CCDC60: variants seen among roughly 807,000 people sequenced by gnomAD.
CCDC60 encodes the protein coiled-coil domain-containing protein 60.
CCDC60 carries 54 observed loss-of-function variants against 63.5 expected under a neutral mutation model. That is an observed-to-expected ratio of 0.85 (90% CI 0.68 to 1.07). The LOEUF (loss-of-function observed/expected upper bound fraction) is 1.07, where lower values mean the gene tolerates loss of function less well. Ranked by LOEUF, CCDC60 falls within the 50% of genes least tolerant of loss-of-function variation. The pLI is 0.00. For synonymous variants in CCDC60, 206 were observed against 238.8 expected (o/e 0.86, Z 1.27); for missense variants, 651 against 684.3 (o/e 0.95, Z 0.54).
At chr12:119,477,570 A>C (rs2136340001) in intron 3 of CCDC60, among the ~76,000 whole-genome samples, 1 of 152,358 alleles carries the variant, frequency 6.6e-6, no homozygotes, top group African/African-American at 2.4e-5. Context: ...GAGGTTCAAT[A>C]ATTATTGGTA....
chr12:119,523,581 G>A (rs1295926698), intron 10 of CCDC60, 112 bp from the exon 11 acceptor site: 6 of 1,466,112 alleles, frequency 4.1e-6, no homozygotes, highest in African/African-American at 1.4e-5. Context: ...GTGGCTACAG[G>A]GAGTCCCCCA....
intron 1 of CCDC60, among the ~76,000 whole-genome samples, chr12:119,349,237 T>G (rs1955629068): frequency 6.6e-6 from 1 of 152,134 alleles, no homozygotes; most frequent in South Asian, 2.1e-4. Context: ...ACCACCCACT[T>G]TGAGAAGCTT....
intron 1 of CCDC60, among the ~76,000 whole-genome samples, chr12:119,391,159 C>T (rs902573595): frequency 5.3e-5 from 8 of 152,238 alleles, no homozygotes; most frequent in Non-Finnish European, 8.8e-5. Context: ...GTTACCCACA[C>T]GTCTCTGTGG....
chr12:119,505,001 C>T, intron 6 of CCDC60, 68 bp from the exon 7 acceptor site: 1 of 1,235,458 alleles, frequency 8.1e-7, no homozygotes, highest in South Asian at 1.4e-5. Context: ...CTCCTTCCCT[C>T]CTTTCTTTCT....
At chr12:119,375,291 A>C (rs1955939856) in intron 1 of CCDC60, among the ~76,000 whole-genome samples, 1 of 152,140 alleles carries the variant, frequency 6.6e-6, no homozygotes, top group African/African-American at 2.4e-5. Context: ...CAAGCAAAAA[A>C]CCCTAATTTG....
At chr12:119,414,714 C>T (rs1956669472) in intron 1 of CCDC60, among the ~76,000 whole-genome samples, 2 of 152,070 alleles carry the variant, frequency 1.3e-5, no homozygotes, top group South Asian at 2.1e-4. Flanking sequence ...CCATGTCCAG[C>T]TAATTGTTTT....
chr12:119,341,003 G>A (rs1215021280), intron 1 of CCDC60, among the ~76,000 whole-genome samples: 1 of 152,218 alleles, frequency 6.6e-6, no homozygotes, highest in African/African-American at 2.4e-5. Context: ...AGGGAGAAGG[G>A]ACTCTTTTCT....
intron 2 of CCDC60, chr12:119,433,271 TGATACA>T (rs1950264833): frequency 1.6e-6 from 1 of 623,890 alleles, no homozygotes; most frequent in African/African-American, 1.8e-5. Context: ...TAATAAAAGG[TGATACA>T]GGCAACAGTT....
In CCDC60 at chr12:119,465,772, G is replaced by A. The variant is rs1322709905; in HGVS notation, c.171-6222G>A. Among the ~76,000 whole-genome samples the A allele has an allele frequency of 2.1e-5, 3 of 142,622 alleles. No individual in the cohort carries two copies. In the East Asian group the frequency reaches 6.3e-4, roughly 30 times the overall value. 93.6% of individuals were successfully genotyped at this position (142,622 alleles called of 152,430 possible). A position where few individuals can be genotyped will look rare whatever the true frequency, so the allele number is the denominator to read the frequency against. On this transcript the variant is annotated intron_variant, in intron 2 of 13. Coordinates refer to ENST00000327554, the MANE Select transcript of CCDC60 (RefSeq NM_178499.5). ...GACTTCATCTCAAAAAAAAAAAAAT[G>A]TATAAAACAGAGCTGCATTCTGACT... is the stretch of plus-strand genomic sequence containing the variant.
At chr12:119,367,422 G>A (rs892110560) in intron 1 of CCDC60, among the ~76,000 whole-genome samples, 3 of 152,114 alleles carry the variant, frequency 2.0e-5, no homozygotes, top group East Asian at 1.9e-4. Flanking sequence ...TAATTCCACC[G>A]CCTATATCCT....
chr12:119,345,543 A>C (rs1301952937), intron 1 of CCDC60, among the ~76,000 whole-genome samples: 1 of 144,510 alleles, frequency 6.9e-6, no homozygotes, highest in East Asian at 1.9e-4. Context: ...AGAGACAGCA[A>C]ATGGGGCCTG....
Position 119,523,900 on chromosome 12 carries a change from G to GA in CCDC60, c.1229+82_1229+83insA. The GA allele has an allele frequency of 3.5e-6, 5 of 1,429,762 alleles. No individual in the cohort carries two copies. The South Asian group carries it at 6.3e-5, about 18-fold the overall frequency. 88.6% of individuals were successfully genotyped at this position (1,429,762 alleles called of 1,614,324 possible). On this transcript the variant is annotated intron_variant, in intron 11 of 13. Coordinates refer to ENST00000327554, the MANE Select transcript of CCDC60 (RefSeq NM_178499.5). ...TGCCTGCCAGGTGCCAGGTGCTGGG[G>GA]CTATATCACAAACAAGAAGAACTTG...
chr12:119,383,248 A>C (rs575248631), intron 1 of CCDC60, among the ~76,000 whole-genome samples: 1 of 152,186 alleles, frequency 6.6e-6, no homozygotes, highest in Non-Finnish European at 1.5e-5. Flanking sequence ...CTCTACAAAA[A>C]TAAAATTAAA....
At chr12:119,438,768 C>T (rs1950376109) in intron 2 of CCDC60, among the ~76,000 whole-genome samples, 1 of 152,152 alleles carries the variant, frequency 6.6e-6, no homozygotes, top group South Asian at 2.1e-4. Context: ...GAGACTCAAC[C>T]AGACTCCTGT....
In CCDC60 at chr12:119,520,132, T is replaced by A; in HGVS notation, c.980T>A (p.Val327Glu). 6.2e-7 allele frequency: 1 copy of A among 1,613,974 alleles called. No individual in the cohort carries two copies. The highest frequency in any genetic ancestry group is 8.5e-7 in the Non-Finnish European group (1 of 1,179,946). Residue 327 changes from valine to glutamate, a missense_variant, in exon 9 of 14, where the codon GTG becomes GAG. Val to Glu is a moderately radical substitution (Grantham distance 121). Transcript: ENST00000327554. ...ATTTTGCCTTGCAGCATCTTGTCAG[T>A]GCTGAAACAAAACAAGAGTAATTCT... ...MQRKAPSILSVLKQNKSNSAY... is the reference protein window; with the variant it reads ...MQRKAPSILSELKQNKSNSAY...
At chr12:119,344,374 G>A (rs12367398) in intron 1 of CCDC60, among the ~76,000 whole-genome samples, 20,304 of 152,046 alleles carry the variant, frequency 0.13, 1,711 homozygotes, top group South Asian at 0.35. Flanking sequence ...AAATGATGCC[G>A]TCATGTACCC....
intron 1 of CCDC60, among the ~76,000 whole-genome samples, chr12:119,347,563 C>T (rs547219490): frequency 2.0e-5 from 3 of 152,264 alleles, no homozygotes; most frequent in African/African-American, 7.2e-5. Context: ...GCAAAATGTT[C>T]AATATTCTCG....
At position 119,360,088 on chromosome 12, in the gene CCDC60, C is replaced by A. The variant is rs1189520524; in HGVS notation, c.90+24822C>A. 7.7e-3 allele frequency among the ~76,000 whole-genome samples: 1,165 copies of A among 152,038 alleles called. 6 individuals are homozygous for A. The highest frequency in any genetic ancestry group is 0.027 in the African/African-American group (1,109 of 41,476). On this transcript the variant is annotated intron_variant, in intron 1 of 13. Coordinates refer to ENST00000327554, the MANE Select transcript of CCDC60 (RefSeq NM_178499.5). Reference sequence around the variant, plus strand: ...GGGGTGGTGGCCGGGCAGAGGGGCTCCTCACTTCCCAGTAGGGGCGGCCGG... The same window carrying A: ...GGGGTGGTGGCCGGGCAGAGGGGCTACTCACTTCCCAGTAGGGGCGGCCGG...
At chr12:119,335,508 G>A (rs570071798) in intron 1 of CCDC60, among the ~76,000 whole-genome samples, 1 of 150,480 alleles carries the variant, frequency 6.6e-6, no homozygotes, top group East Asian at 2.0e-4. Flanking sequence ...GTGTGAGATG[G>A]TATCTCATTG....
Sources: gnomAD v4.1 joint callset for allele counts (sites outside exome capture counted in the v4.1 genomes callset) on GRCh38, gnomAD v4.1.1 for gene constraint, MANE v1.5 for transcripts, NCBI Gene and HGNC (gene_info 2026-07-23, HGNC 2026-07-21) for gene names.